The following TSPAN19 variants were observed in gnomAD, a reference collection of about 807,000 sequenced individuals.
The protein encoded by TSPAN19 is tetraspanin 19.
Under a neutral mutation model 35.1 loss-of-function variants are expected in TSPAN19, and 44 were observed. That is an observed-to-expected ratio of 1.25 (90% confidence interval 0.98 to 1.61). The LOEUF is 1.61. TSPAN19 is among the 40% of genes most tolerant of loss of function. The probability of loss-of-function intolerance (pLI) is 0.00; values close to 1 mark genes in which losing one functional copy is unlikely to be tolerated. For synonymous variants in TSPAN19, 79 were observed against 92.0 expected, an observed-to-expected ratio of 0.86 and a Z score of 0.81; for missense variants, 290 against 280.0, an observed-to-expected ratio of 1.04 and a Z score of -0.26.
intron 5 of TSPAN19, 34 bp from the exon 6 acceptor site, chr12:85,019,770 T>G: frequency 8.0e-7 from 1 of 1,250,578 alleles, no homozygotes; most frequent in East Asian, 2.4e-5. Context: ...GAAAATTTCA[T>G]AGGAATGTAT....
At chr12:85,023,206 C>T (rs890813376) in intron 5 of TSPAN19, 120 bp downstream of exon 5, 2 of 814,378 alleles carry the variant, frequency 2.5e-6, no homozygotes, top group East Asian at 2.7e-5. Context: ...TATTATTTTC[C>T]CCTAAAGAAA....
intron 5 of TSPAN19, among the ~76,000 whole-genome samples, chr12:85,021,917 G>A (rs1877147939): frequency 1.3e-5 from 2 of 152,086 alleles, no homozygotes; most frequent in African/African-American, 2.4e-5. Context: ...GGGTTGCTAT[G>A]AGGATTAATA....
At position 85,019,739 on chromosome 12, in the gene TSPAN19, G is replaced by A. The variant is rs776481512; in HGVS notation, c.340-3C>T. On this transcript the variant is annotated splice_region_variant and splice_polypyrimidine_tract_variant and intron_variant, in intron 5 of 8. Coordinates refer to ENST00000532498, the MANE Select transcript of TSPAN19 (RefSeq NM_001100917.2). Reference sequence around the variant, plus strand: ...TTGTCATGCCATAGTTGCTGAACCTGTAGAAAATTGTATTAAAAATGAAAA... The same window carrying A: ...TTGTCATGCCATAGTTGCTGAACCTATAGAAAATTGTATTAAAAATGAAAA... 6.5e-7 allele frequency: 1 copy of A among 1,530,546 alleles called. No individual in the cohort carries two copies. The highest frequency in any genetic ancestry group is 8.9e-7 in the Non-Finnish European group (1 of 1,127,070). The allele number at this position is 1,530,546 out of a possible 1,614,324, so 94.8% of individuals were successfully genotyped here. A position where few individuals can be genotyped will look rare whatever the true frequency, so the allele number is the denominator to read the frequency against.
chr12:85,035,283 T>G (rs1412772132), intron 1 of TSPAN19: 1 of 151,956 alleles, frequency 6.6e-6, no homozygotes, highest in Admixed American at 6.6e-5. Context: ...AAATAGATAA[T>G]TTCAATAGTC....
At chr12:85,028,694 G>T (rs1277610745) in intron 3 of TSPAN19, among the ~76,000 whole-genome samples, 1 of 152,142 alleles carries the variant, frequency 6.6e-6, no homozygotes, top group African/African-American at 2.4e-5. Context: ...GCTCATAAAA[G>T]CCAATTGTGA....
intron 1 of TSPAN19, among the ~76,000 whole-genome samples, chr12:85,031,157 G>A (rs921703590): frequency 1.9e-4 from 29 of 152,032 alleles, no homozygotes; most frequent in Non-Finnish European, 1.2e-4. Flanking sequence ...AGTTTACGGA[G>A]TCACTACAGG....
At position 85,020,222 on chromosome 12, in the gene TSPAN19, C is replaced by T. The variant is rs567955717; in HGVS notation, c.340-486G>A. ...GAAAACTATAGTTATGCAAGTTATACTTGGTCAGACAAATGTACATTTTTC... is the reference window on the plus strand; with the variant it reads ...GAAAACTATAGTTATGCAAGTTATATTTGGTCAGACAAATGTACATTTTTC... On this transcript the variant is annotated intron_variant, in intron 5 of 8. Transcript: ENST00000532498. Among the ~76,000 whole-genome samples the T allele has an allele frequency of 1.4e-4, 21 of 151,040 alleles. No homozygotes were observed. The South Asian group carries it at 4.4e-3, about 32-fold the overall frequency.
At chr12:85,024,130 A>T (rs921615743) in intron 4 of TSPAN19, among the ~76,000 whole-genome samples, 5 of 152,202 alleles carry the variant, frequency 3.3e-5, no homozygotes, top group African/African-American at 1.2e-4. Context: ...GGCGAGATTT[A>T]CATAAACTAC....
chr12:85,032,748 T>C (rs961215091), intron 1 of TSPAN19, among the ~76,000 whole-genome samples: 6 of 152,114 alleles, frequency 3.9e-5, no homozygotes, highest in Non-Finnish European at 7.4e-5. Context: ...TTAAGTGTAG[T>C]TCTTATTTAA....
intron 1 of TSPAN19, among the ~76,000 whole-genome samples, chr12:85,031,651 T>C (rs1877688565): frequency 6.6e-6 from 1 of 152,176 alleles, no homozygotes; most frequent in Non-Finnish European, 1.5e-5. Flanking sequence ...AAAATCATGT[T>C]AGAAACTTGG....
chr12:85,018,892 AC>A (rs1876962272), intron 6 of TSPAN19, among the ~76,000 whole-genome samples: 1 of 151,906 alleles, frequency 6.6e-6, no homozygotes. Flanking sequence ...CAAAGCACTT[AC>A]AAAAAAGTCT....
At chr12:85,025,013 A>C (rs1014568474) in intron 4 of TSPAN19, among the ~76,000 whole-genome samples, 1 of 152,146 alleles carries the variant, frequency 6.6e-6, no homozygotes, top group East Asian at 1.9e-4. Flanking sequence ...AGAAAAAAAA[A>C]TTCAGAGACA....
intron 4 of TSPAN19, among the ~76,000 whole-genome samples, chr12:85,024,082 T>A (rs1344568274): frequency 6.6e-6 from 1 of 152,126 alleles, no homozygotes; most frequent in Non-Finnish European, 1.5e-5. Context: ...GTTCATTCTG[T>A]GAGGAGAGGG....
intron 7 of TSPAN19, chr12:85,017,077 C>G (rs764758477): frequency 5.1e-6 from 1 of 196,518 alleles, no homozygotes; most frequent in Non-Finnish European, 1.0e-5. Flanking sequence ...GGTCCACTCC[C>G]TTTAGTTTTT....
chr12:85,029,988 A>G lies in TSPAN19; in HGVS notation c.-27-15T>C. 1.4e-6 allele frequency: 2 copies of G among 1,382,320 alleles called. No homozygotes were observed. The allele number at this position is 1,382,320 out of a possible 1,614,324, so 85.6% of individuals were successfully genotyped here. On this transcript the variant is annotated splice_polypyrimidine_tract_variant and intron_variant, in intron 1 of 8. Transcript: ENST00000532498. ...TATTGATGATTCTGAAAAGACAACC[A>G]TAACTTTTTAAACATTCTACACAAC...
intron 4 of TSPAN19, among the ~76,000 whole-genome samples, chr12:85,025,021 A>G (rs1181748076): frequency 6.6e-6 from 1 of 152,118 alleles, no homozygotes; most frequent in Non-Finnish European, 1.5e-5. Context: ...AAATTCAGAG[A>G]CAAAAATGTA....
intron 4 of TSPAN19, among the ~76,000 whole-genome samples, chr12:85,027,442 G>T (rs1359957467): frequency 6.6e-6 from 1 of 152,084 alleles, no homozygotes; most frequent in Non-Finnish European, 1.5e-5. Flanking sequence ...TACAATAGAA[G>T]TTGAAATTAT....
chr12:85,019,665 A>G lies in TSPAN19; in HGVS notation c.411T>C (p.Asp137=), dbSNP rs751173670. ...CATTCAGAATAGTCCACTTGGTTATATCTTCAGGCTTATCTTTAGATCCAT... is the reference window on the plus strand; with the variant it reads ...CATTCAGAATAGTCCACTTGGTTATGTCTTCAGGCTTATCTTTAGATCCAT... ...SEYGSKDKPE[D]ITKWTILNAL... Residue 137 remains aspartate (D), a synonymous_variant, in exon 6 of 9, where the codon GAT becomes GAC. Transcript: ENST00000532498. The G allele has an allele frequency of 2.4e-5, 39 of 1,609,668 alleles. No individual in the cohort carries two copies. Among genetic ancestry groups the G allele is most frequent in the Non-Finnish European group, 3.1e-5 (36 of 1,177,384 alleles).
intron 4 of TSPAN19, 57 bp from the exon 5 acceptor site, chr12:85,023,457 C>A: frequency 7.4e-7 from 1 of 1,359,334 alleles, no homozygotes; most frequent in Non-Finnish European, 1.0e-6. Flanking sequence ...GTTTTGTATG[C>A]TCAAATAATG....
Sources: allele counts gnomAD v4.1 joint callset (sites outside exome capture counted in the v4.1 genomes callset), GRCh38; gene constraint gnomAD v4.1.1; transcripts MANE v1.5; gene names NCBI Gene and HGNC (gene_info 2026-07-23, HGNC 2026-07-21).